HEY1: variants seen among roughly 807,000 people sequenced by gnomAD.
The protein encoded by HEY1 is hairy/enhancer-of-split related with YRPW motif protein 1.
In HEY1, 9 loss-of-function variants were observed where a neutral mutation model predicts 28.7. The ratio of observed to expected loss-of-function variants is 0.31; its 90% CI spans 0.19 to 0.55. The LOEUF (loss-of-function observed/expected upper bound fraction) is 0.55, where lower values mean the gene tolerates loss of function less well. Ranked by LOEUF, HEY1 falls within the 20% of genes least tolerant of loss-of-function variation. The pLI, the probability that HEY1 is intolerant of heterozygous loss-of-function variation, is 0.93. For synonymous variants in HEY1, 213 were observed against 175.6 expected (o/e 1.21, Z -1.68); for missense variants, 385 against 399.4 (o/e 0.96, Z 0.31).
Position 79,767,066 on chromosome 8 carries a change from C to T in HEY1, c.192G>A (p.Arg64=). 1 of 1,614,062 alleles carries T rather than the reference C, an allele frequency of 6.2e-7. No individual in the cohort carries two copies. The highest frequency in any genetic ancestry group is 8.5e-7 in the Non-Finnish European group (1 of 1,180,006). ...RGIIEKRRRD[R]INNSLSELRR... Reference sequence around the variant, plus strand: ...TCAGCTCAGACAAACTGTTATTGATCCGGTCTCGTCGGCGCTTCTCAATTA... The same window carrying T: ...TCAGCTCAGACAAACTGTTATTGATTCGGTCTCGTCGGCGCTTCTCAATTA... Residue 64 remains arginine, a synonymous_variant, in exon 3 of 5, where the codon CGG becomes CGA. Transcript: ENST00000354724.
In HEY1 at chr8:79,764,294, T is replaced by G. The variant is rs1046472; in HGVS notation, c.*894A>C. 178,396 of 225,518 alleles carry G rather than the reference T, an allele frequency of 0.79. 71,485 individuals carry two copies. The highest frequency in any genetic ancestry group is 0.95 in the African/African-American group (42,878 of 45,006). The allele number at this position is 225,518 out of a possible 1,614,324, so 14.0% of individuals were successfully genotyped here. A position where few individuals can be genotyped will look rare whatever the true frequency, so the allele number is the denominator to read the frequency against. On this transcript the variant is annotated 3_prime_UTR_variant, in exon 5 of 5. Transcript: ENST00000354724. ...GAAAATTAGGTTATGCATTTAACAG[T>G]TTCCACTGTACTACTCAATTGACCA...
At position 79,764,225 on chromosome 8, in the gene HEY1, C is replaced by T; in HGVS notation, c.*963G>A. 1 of 220,854 alleles carries T rather than the reference C, an allele frequency of 4.5e-6. No individual in the cohort carries two copies. Among genetic ancestry groups the T allele is most frequent in the East Asian group, 6.7e-5 (1 of 15,028 alleles). 13.7% of individuals were successfully genotyped at this position (220,854 alleles called of 1,614,324 possible). The stretch of plus-strand genomic sequence containing the variant: ...ACAGTTCCATGCACCAAAAGGAAAA[C>T]TCACATAAAAATTTCCAGTTAAAAG... On this transcript the variant is annotated 3_prime_UTR_variant, in exon 5 of 5. Transcript: ENST00000354724.
rs747305349 is a variant in HEY1 at position 79,767,227 on chromosome 8, G to A, written c.157C>T (p.Arg53Trp). 2 of 1,612,574 alleles carry A rather than the reference G, an allele frequency of 1.2e-6. No homozygotes were observed. Among genetic ancestry groups the A allele is most frequent in the African/African-American group, 1.3e-5 (1 of 74,866 alleles). The stretch of plus-strand genomic sequence containing the variant: ...AGTGTAAAGAGACTCACTCCTCTCC[G>A]TCTTTTTCTGGCCAAAATCTGGGAA... ...TSSQILARKR[R>W]RGIIEKRRRD... The change falls in exon 2 of 5, where the codon CGG becomes TGG. Residue 53 changes from arginine (R) to tryptophan (W), a missense_variant. Physicochemically the swap from Arg to Trp is moderately radical, Grantham distance 101. Coordinates refer to ENST00000354724, the MANE Select transcript of HEY1 (RefSeq NM_012258.4).
At chr8:79,766,428 A>G in intron 4 of HEY1, 9 of 1,459,930 alleles carry the variant, frequency 6.2e-6, no homozygotes, top group Non-Finnish European at 8.1e-6. Context: ...TATTTTTCCA[A>G]AAGATGCACT....
rs950010373 is a variant in HEY1 at position 79,764,244 on chromosome 8, T to A, written c.*944A>T. On this transcript the variant is annotated 3_prime_UTR_variant, in exon 5 of 5. Transcript: ENST00000354724. ...GGAAAACTCACATAAAAATTTCCAG[T>A]TAAAAGAAAATATGGCAGTCCCAGG... 4.5e-6 allele frequency: 1 copy of A among 222,448 alleles called. No individual in the cohort carries two copies. 13.8% of individuals were successfully genotyped at this position (222,448 alleles called of 1,614,324 possible).
intron 3 of HEY1, 136 bp downstream of exon 3, chr8:79,766,873 A>C: frequency 8.4e-7 from 1 of 1,187,224 alleles, no homozygotes; most frequent in Non-Finnish European, 1.2e-6. Context: ...TCTTCACAAA[A>C]TACGCTGGTA....
chr8:79,765,788 A>C lies in HEY1; in HGVS notation c.332-17T>G, dbSNP rs758863912. The C allele has an allele frequency of 1.3e-6, 2 of 1,586,194 alleles. No individual in the cohort carries two copies. The highest frequency in any genetic ancestry group is 1.7e-6 in the Non-Finnish European group (2 of 1,163,300). ...CAAAGTAACCTAAGCAAAAGAACAA[A>C]AGAAAAATCTCAGGGCTTTGCCCGT... On this transcript the variant is annotated splice_polypyrimidine_tract_variant and intron_variant, in intron 4 of 4. Coordinates refer to ENST00000354724, the MANE Select transcript of HEY1 (RefSeq NM_012258.4).
At position 79,764,674 on chromosome 8, in the gene HEY1, T is replaced by C. The variant is rs980663752; in HGVS notation, c.*514A>G. ...CTTTGCTCAGAAATATAAAATTCAA[T>C]ATAGTTCCCCTCCCCCCAAAAGAAT... On this transcript the variant is annotated 3_prime_UTR_variant, in exon 5 of 5. Coordinates refer to ENST00000354724, the MANE Select transcript of HEY1 (RefSeq NM_012258.4). The C allele has an allele frequency of 2.1e-4, 47 of 222,060 alleles. No individual in the cohort carries two copies. The highest frequency in any genetic ancestry group is 1.0e-3 in the African/African-American group (46 of 44,874). The allele number at this position is 222,060 out of a possible 1,614,324, so 13.8% of individuals were successfully genotyped here.
At chr8:79,766,356 G>A (rs1178768435) in intron 4 of HEY1, 30 of 1,481,100 alleles carry the variant, frequency 2.0e-5, no homozygotes, top group Non-Finnish European at 2.5e-5. Context: ...ATGGACAAAT[G>A]TGAAAGCTAC....
rs753643907 is a variant in HEY1, at chr8:79,765,527, G to C, written c.576C>G (p.His192Gln). 2 of 1,613,740 alleles carry C rather than the reference G, an allele frequency of 1.2e-6. No homozygotes were observed. The highest frequency in any genetic ancestry group is 2.7e-5 in the African/African-American group (2 of 74,952). ...TVFGHHPHIAHPLLLPQNGHG... is the reference protein window; with the variant it reads ...TVFGHHPHIAQPLLLPQNGHG... ...GGCCGTTCTGGGGCAGCAACAGCGG[G>C]TGCGCGATGTGCGGGTGATGTCCGA... The change falls in exon 5 of 5, where the codon CAC becomes CAG. Residue 192 changes from histidine (H) to glutamine (Q), a missense_variant. His to Gln is a conservative substitution (Grantham distance 24, BLOSUM62 0). Around this residue, in one of 3 missense-constraint regions of HEY1, gnomAD observed 223 missense variants for 215.9 expected, o/e 1.03. Coordinates refer to ENST00000354724, the MANE Select transcript of HEY1 (RefSeq NM_012258.4).
At chr8:79,766,480 A>G (rs1343905163) in intron 4 of HEY1, 171 bp downstream of exon 4, 2 of 1,504,292 alleles carry the variant, frequency 1.3e-6, no homozygotes, top group Admixed American at 2.3e-5. Context: ...TTCACTGGAG[A>G]AGATTCTATG....
At position 79,765,284 on chromosome 8, in the gene HEY1, T is replaced by G; in HGVS notation, c.819A>C (p.Leu273Phe). The change falls in exon 5 of 5, where the codon TTA becomes TTC. Residue 273 changes from leucine to phenylalanine, a missense_variant. Around this residue, in one of 3 missense-constraint regions of HEY1, gnomAD observed 223 missense variants for 215.9 expected, o/e 1.03. Coordinates refer to ENST00000354724, the MANE Select transcript of HEY1 (RefSeq NM_012258.4). ...AAGGGCTCAGTGCATTGGGAGACAG[T>G]AAGTGGAAGGAGCCGAAAGAGAAGG... ...AFPFSFGSFH[L>F]LSPNALSPSA... is the part of the protein sequence containing the mutation. 1 of 1,555,902 alleles carries G rather than the reference T, an allele frequency of 6.4e-7. No homozygotes were observed. The highest frequency in any genetic ancestry group is 8.7e-7 in the Non-Finnish European group (1 of 1,148,874).
chr8:79,764,705 T>G lies in HEY1; in HGVS notation c.*483A>C, dbSNP rs1229784417. ...TCCCCTCCCCCCAAAAGAATATTAT[T>G]TATACAACACCTTAATCTGTCAAAA... is the stretch of plus-strand genomic sequence containing the variant. On this transcript the variant is annotated 3_prime_UTR_variant, in exon 5 of 5. Coordinates refer to ENST00000354724, the MANE Select transcript of HEY1 (RefSeq NM_012258.4). 1 of 222,274 alleles carries G rather than the reference T, an allele frequency of 4.5e-6. No individual in the cohort carries two copies. The allele number at this position is 222,274 out of a possible 1,614,324, so 13.8% of individuals were successfully genotyped here.
chr8:79,765,191 A>G lies in HEY1; in HGVS notation c.912T>C (p.Phe304=), dbSNP rs769922531. 5 of 1,543,048 alleles carry G rather than the reference A, an allele frequency of 3.2e-6. No individual in the cohort carries two copies. The South Asian group carries it at 6.0e-5, about 19-fold the overall frequency. Residue 304 remains phenylalanine, a synonymous_variant, in exon 5 of 5, where the codon TTT becomes TTC. Transcript: ENST00000354724. Reference sequence around the variant, plus strand: ...TCCCTCATTCTACATCAGTTCTTTAAAAAGCTCCGATCTCCGTCCCCCAAG... The same window carrying G: ...TCCCTCATTCTACATCAGTTCTTTAGAAAGCTCCGATCTCCGTCCCCCAAG... ...YRPWGTEIGA[F] is the part of the protein sequence containing the mutation.
In HEY1 at chr8:79,766,656, C is replaced by T. The variant is rs752681708; in HGVS notation, c.326G>A (p.Gly109Glu). Reference sequence around the variant, plus strand: ...ACTAGGTCTAGGAGATGTACCTTTCCCTCCTGCCGTATGCAGCATTTTCAG... The same window carrying T: ...ACTAGGTCTAGGAGATGTACCTTTCTCTCCTGCCGTATGCAGCATTTTCAG... ...DHLKMLHTAG[G>E]KGYFDAHALA... The change falls in exon 4 of 5, where the codon GGG (glycine) becomes GAG (glutamate). Residue 109 changes from glycine to glutamate, a missense_variant. Around this residue, in one of 3 missense-constraint regions of HEY1, gnomAD observed 83 missense variants for 122.7 expected, o/e 0.68. Transcript: ENST00000354724. The T allele has an allele frequency of 3.7e-6, 6 of 1,614,068 alleles. No homozygotes were observed. The highest frequency in any genetic ancestry group is 2.2e-5 in the South Asian group (2 of 91,092).
In HEY1 at chr8:79,767,754, G is replaced by A. The variant is rs1585961928; in HGVS notation, c.-91C>T. ...CGCCTCTCCGCTCTCGGCTGCTTGC[G>A]TTCCGCACACACTGATCCCGCTCAC... is the stretch of plus-strand genomic sequence containing the variant. On this transcript the variant is annotated 5_prime_UTR_variant, in exon 1 of 5. The change creates a new upstream start codon in the 5' untranslated region. Transcript: ENST00000354724. 1 of 890,124 alleles carries A rather than the reference G, an allele frequency of 1.1e-6. No individual in the cohort carries two copies. Among genetic ancestry groups the A allele is most frequent in the Non-Finnish European group, 1.8e-6 (1 of 558,828 alleles). The allele number at this position is 890,124 out of a possible 1,614,324, so 55.1% of individuals were successfully genotyped here.
chr8:79,764,937 C>T lies in HEY1; in HGVS notation c.*251G>A, dbSNP rs1807789195. Reference sequence around the variant, plus strand: ...CTATCACAAAGTGTTGGCTTATACTCACTATTTCAATTTAATGTCTTGAAC... The same window carrying T: ...CTATCACAAAGTGTTGGCTTATACTTACTATTTCAATTTAATGTCTTGAAC... On this transcript the variant is annotated 3_prime_UTR_variant, in exon 5 of 5. Transcript: ENST00000354724. 2.5e-6 allele frequency: 1 copy of T among 395,356 alleles called. No homozygotes were observed. The highest frequency in any genetic ancestry group is 4.2e-5 in the Admixed American group (1 of 24,038). The allele number at this position is 395,356 out of a possible 1,614,324, so 24.5% of individuals were successfully genotyped here.
rs1807878984 is a variant in HEY1, at chr8:79,767,589, A to C, written c.75T>G (p.Ser25Arg). ...LDETIEVEKESADENGNLSSA... is the reference protein window; with the variant it reads ...LDETIEVEKERADENGNLSSA... ...CGCCAGCTCACCCATTCTCGTCCGCACTCTCCTTCTCCACCTCGATGGTCT... is the reference window on the plus strand; with the variant it reads ...CGCCAGCTCACCCATTCTCGTCCGCCCTCTCCTTCTCCACCTCGATGGTCT... Residue 25 changes from serine (S) to arginine (R), a missense_variant, in exon 1 of 5, where the codon AGT (serine) becomes AGG (arginine). By Grantham distance (110) the Ser-to-Arg change is moderately radical. This residue lies in a region of HEY1 where 79 missense variants were observed against 60.7 expected (regional missense o/e 1.30). Coordinates refer to ENST00000354724, the MANE Select transcript of HEY1 (RefSeq NM_012258.4). 1 of 1,608,594 alleles carries C rather than the reference A, an allele frequency of 6.2e-7. No homozygotes were observed. The highest frequency in any genetic ancestry group is 1.3e-5 in the African/African-American group (1 of 74,414).
chr8:79,767,516 G>A lies in HEY1; in HGVS notation c.89+59C>T, dbSNP rs892659872. Reference sequence around the variant, plus strand: ...AAGGGTCCTAGCCCGCTGTCACCGCGGCAGGCCTGCGCTCGCCTCCCGCTC... The same window carrying A: ...AAGGGTCCTAGCCCGCTGTCACCGCAGCAGGCCTGCGCTCGCCTCCCGCTC... On this transcript the variant is annotated intron_variant, in intron 1 of 4. Transcript: ENST00000354724. 6.7e-6 allele frequency: 10 copies of A among 1,498,070 alleles called. No homozygotes were observed. The Admixed American group carries it at 7.3e-5, about 11-fold the overall frequency. 92.8% of individuals were successfully genotyped at this position (1,498,070 alleles called of 1,614,324 possible). A position where few individuals can be genotyped will look rare whatever the true frequency, so the allele number is the denominator to read the frequency against.
Sources: gnomAD v4.1 joint callset for allele counts on GRCh38, gnomAD v4.1.1 for gene constraint, gnomAD v4.1.1 regional missense constraint, MANE v1.5 for transcripts, NCBI Gene and HGNC (gene_info 2026-07-23, HGNC 2026-07-21) for gene names.